Variants in CTNND2 observed in about 807,000 individuals in gnomAD.
CTNND2 encodes the protein catenin delta 2, also known as catenin delta-2.
CTNND2 carries 22 observed loss-of-function variants against 144.4 expected under a neutral mutation model. The observed-to-expected ratio is 0.15, with a 90% CI of 0.11 to 0.22. The LOEUF is 0.22. Ranked by LOEUF, CTNND2 falls within the 10% of genes least tolerant of loss-of-function variation. The probability of loss-of-function intolerance (pLI) is 1.00; values close to 1 mark genes in which losing one functional copy is unlikely to be tolerated. For missense variants in CTNND2, 1,353 were observed against 1,618.8 expected (o/e 0.84, Z 2.82); for synonymous variants, 751 against 695.6 (o/e 1.08, Z -1.25).
rs1389037690 is a variant in CTNND2, at chr5:11,176,652, G to A, written c.1976-16893C>T. On this transcript the variant is annotated intron_variant, in intron 11 of 21. Coordinates refer to ENST00000304623, the MANE Select transcript of CTNND2 (RefSeq NM_001332.4). ...CTTTCTCCAAACCACCTTACTCTGT[G>A]AAGACTGGTTTCCTTATCCTAACTT... Among the ~76,000 whole-genome samples the A allele has an allele frequency of 2.0e-5, 3 of 152,090 alleles. No homozygotes were observed. The East Asian group carries it at 5.8e-4, about 29-fold the overall frequency.
intron 13 of CTNND2, among the ~76,000 whole-genome samples, chr5:11,116,631 T>C (rs1247641979): frequency 1.3e-5 from 2 of 152,272 alleles, no homozygotes; most frequent in African/African-American, 4.8e-5. Flanking sequence ...GAATAGACTT[T>C]GCTGATTTAT....
intron 11 of CTNND2, among the ~76,000 whole-genome samples, chr5:11,168,446 T>G (rs971332964): frequency 6.6e-6 from 1 of 152,224 alleles, no homozygotes; most frequent in African/African-American, 2.4e-5. Context: ...CACAGCATTT[T>G]ATAAATGAAC....
chr5:11,220,289 G>A (rs546724578), intron 10 of CTNND2, among the ~76,000 whole-genome samples: 1 of 152,222 alleles, frequency 6.6e-6, no homozygotes, highest in South Asian at 2.1e-4. Flanking sequence ...GAAGGAAACT[G>A]GCTTAAAAGC....
chr5:11,295,936 G>A (rs1748919747), intron 9 of CTNND2, among the ~76,000 whole-genome samples: 1 of 152,146 alleles, frequency 6.6e-6, no homozygotes, highest in Admixed American at 6.5e-5. Context: ...AGGACTTCAT[G>A]TCTGAAACAC....
chr5:11,594,736 G>A (rs534823533), intron 2 of CTNND2, among the ~76,000 whole-genome samples: 1 of 152,200 alleles, frequency 6.6e-6, no homozygotes, highest in East Asian at 1.9e-4. Context: ...CCATGTCCTG[G>A]CAATTTTTAT....
intron 16 of CTNND2, among the ~76,000 whole-genome samples, chr5:11,028,087 C>T (rs1430331946): frequency 2.0e-5 from 3 of 152,178 alleles, no homozygotes; most frequent in Non-Finnish European, 2.9e-5. Context: ...CACTTGAGTT[C>T]CTTCCTACAC....
chr5:11,710,621 T>C (rs1196002855), intron 2 of CTNND2, among the ~76,000 whole-genome samples: 3 of 151,800 alleles, frequency 2.0e-5, no homozygotes, highest in African/African-American at 7.3e-5. Context: ...TTCTCCTTCG[T>C]TGGCCTATTA....
chr5:11,702,469 G>A (rs1785491215), intron 2 of CTNND2, among the ~76,000 whole-genome samples: 1 of 152,124 alleles, frequency 6.6e-6, no homozygotes, highest in Non-Finnish European at 1.5e-5. Flanking sequence ...CCAAAAAGAT[G>A]CCCCATGTTC....
intron 9 of CTNND2, among the ~76,000 whole-genome samples, chr5:11,289,992 G>A (rs993980615): frequency 2.6e-5 from 4 of 152,158 alleles, no homozygotes; most frequent in East Asian, 3.9e-4. Flanking sequence ...CCAGGATCAC[G>A]CAGCATCAGA....
intron 3 of CTNND2, among the ~76,000 whole-genome samples, chr5:11,516,035 A>C (rs574359768): frequency 6.6e-6 from 1 of 151,976 alleles, no homozygotes; most frequent in Non-Finnish European, 1.5e-5. Flanking sequence ...TGAGCTTGGG[A>C]GATTGAGGCT....
intron 3 of CTNND2, among the ~76,000 whole-genome samples, chr5:11,442,481 A>G (rs1338767604): frequency 1.3e-5 from 2 of 152,196 alleles, no homozygotes; most frequent in African/African-American, 4.8e-5. Flanking sequence ...ATTTTATACA[A>G]TCACTACAAA....
chr5:11,110,365 TTC>T (rs1385810004), intron 14 of CTNND2, among the ~76,000 whole-genome samples: 11 of 152,226 alleles, frequency 7.2e-5, no homozygotes, highest in Admixed American at 5.9e-4. Flanking sequence ...GGGCTGTGAA[TTC>T]TCTGTTACCC....
chr5:11,401,553 T>A (rs561519532), intron 5 of CTNND2, among the ~76,000 whole-genome samples: 3 of 152,296 alleles, frequency 2.0e-5, no homozygotes. Context: ...TGACCATAGA[T>A]GATGATGACA....
chr5:11,110,360 GT>G (rs1752838733), intron 14 of CTNND2, among the ~76,000 whole-genome samples: 1 of 152,216 alleles, frequency 6.6e-6, no homozygotes, highest in Non-Finnish European at 1.5e-5. Context: ...TGGAAGGGCT[GT>G]GAATTCTCTG....
intron 2 of CTNND2, among the ~76,000 whole-genome samples, chr5:11,681,756 C>T (rs1298951345): frequency 6.6e-6 from 1 of 152,192 alleles, no homozygotes; most frequent in Non-Finnish European, 1.5e-5. Context: ...CTTCCTAAAA[C>T]AAATTGGTTT....
chr5:11,529,317 A>C (rs1773535439), intron 3 of CTNND2, among the ~76,000 whole-genome samples: 1 of 152,248 alleles, frequency 6.6e-6, no homozygotes, highest in Non-Finnish European at 1.5e-5. Flanking sequence ...TAAATGGATT[A>C]TTTAATTTCA....
intron 3 of CTNND2, among the ~76,000 whole-genome samples, chr5:11,523,968 C>G (rs1561511967): frequency 6.6e-6 from 1 of 152,182 alleles, no homozygotes; most frequent in Non-Finnish European, 1.5e-5. Flanking sequence ...TAATTAATCC[C>G]CTGGTTATAC....
intron 11 of CTNND2, among the ~76,000 whole-genome samples, chr5:11,162,081 G>A (rs545543708): frequency 1.7e-5 from 2 of 118,914 alleles, no homozygotes; most frequent in African/African-American, 6.6e-5. Context: ...ACCTGGGAGT[G>A]GGGGGGGGTT....
chr5:11,109,197 C>T (rs999442197), intron 14 of CTNND2, among the ~76,000 whole-genome samples: 1 of 152,162 alleles, frequency 6.6e-6, no homozygotes, highest in African/African-American at 2.4e-5. Flanking sequence ...ACCTCTTAGA[C>T]CAGAAAGTGA....
Sources: allele counts gnomAD v4.1 joint callset (sites outside exome capture counted in the v4.1 genomes callset), GRCh38; gene constraint gnomAD v4.1.1; transcripts MANE v1.5; gene names NCBI Gene and HGNC (gene_info 2026-07-23, HGNC 2026-07-21).